TUSC3: variants seen among roughly 807,000 people sequenced by gnomAD.
TUSC3 encodes dolichyl-diphosphooligosaccharide--protein glycosyltransferase subunit TUSC3.
In TUSC3, 45 loss-of-function variants were observed where a neutral mutation model predicts 44.8. That is an observed-to-expected ratio of 1.00 (90% CI 0.79 to 1.29). TUSC3 has a LOEUF of 1.29. Among genes scored for constraint, TUSC3 ranks in the 50% most tolerant of loss-of-function variants. The pLI is 0.00. For synonymous variants in TUSC3, 212 were observed against 152.9 expected, an observed-to-expected ratio of 1.39 and a Z score of -2.85; for missense variants, 519 against 437.9, an observed-to-expected ratio of 1.19 and a Z score of -1.65.
chr8:15,846,784 G>T, the TUSC3 span, among the ~76,000 whole-genome samples: 1 of 151,592 alleles, frequency 6.6e-6, no homozygotes, highest in African/African-American at 2.4e-5. Flanking sequence ...CGGGTTGATG[G>T]GTGCAGCAAA....
intron 9 of TUSC3, among the ~76,000 whole-genome samples, chr8:15,753,776 T>A (rs796847075): frequency 3.9e-4 from 60 of 152,064 alleles, no homozygotes; most frequent in African/African-American, 1.4e-3. Flanking sequence ...ATAGCAGAGA[T>A]TTGGACACAC....
chr8:15,649,409 C>G (rs963492182), intron 2 of TUSC3, among the ~76,000 whole-genome samples: 9 of 151,716 alleles, frequency 5.9e-5, no homozygotes, highest in Admixed American at 3.3e-4. Context: ...ACGGTGAAAC[C>G]CCGTCTCTAC....
chr8:15,643,412 T>TTG (rs1554466745), intron 2 of TUSC3, among the ~76,000 whole-genome samples: 1 of 147,342 alleles, frequency 6.8e-6, no homozygotes, highest in East Asian at 1.9e-4. Flanking sequence ...TGTTAGTTGT[T>TTG]TTTTTTTTTT....
intron 7 of TUSC3, among the ~76,000 whole-genome samples, chr8:15,736,519 C>T (rs987770683): frequency 3.3e-5 from 5 of 152,014 alleles, no homozygotes; most frequent in African/African-American, 1.2e-4. Context: ...ATAGAATGTT[C>T]TTAAAATTCA....
intron 9 of TUSC3, among the ~76,000 whole-genome samples, chr8:15,755,946 C>A (rs79798772): frequency 0.019 from 2,909 of 152,164 alleles, 97 homozygotes; most frequent in African/African-American, 0.065. Context: ...CAAAAGTTTC[C>A]TTTAGAAGAT....
At chr8:15,587,453 C>T (rs145039681) in intron 1 of TUSC3, among the ~76,000 whole-genome samples, 3 of 152,182 alleles carry the variant, frequency 2.0e-5, no homozygotes, top group East Asian at 1.9e-4. Context: ...CATGTAATAA[C>T]TGTATATATT....
intron 3 of TUSC3, chr8:15,651,018 C>T (rs28758439): frequency 1.8e-4 from 64 of 354,502 alleles, no homozygotes; most frequent in South Asian, 4.0e-4. Context: ...CACACACACA[C>T]ACACAAATAC....
At chr8:15,536,681 C>CAAAAAAAAAAAAAAAAAAAAAAAAAAAAA (rs570573410), upstream of TUSC3, among the ~76,000 whole-genome samples, 2 of 45,572 alleles carry the variant, frequency 4.4e-5, no homozygotes, top group Non-Finnish European at 4.3e-5. Context: ...GATTCCGTCT[C>CAAAAAAAAAAAAAAAAAAAAAAAAAAAAA]AAAAAAAAAA....
chr8:15,540,512 C>T lies in TUSC3; in HGVS notation c.82C>T (p.Leu28Phe). Residue 28 changes from leucine (L) to phenylalanine (F), a missense_variant, in exon 1 of 11, where the codon CTT becomes TTT. Transcript: ENST00000503731. ...CCTGCCCACCGGGAGCTTTCCCTTC[C>T]TTCTCCTGCTGCTGCTGCTCTGCAT... Reference protein sequence around the residue: ...RYLPTGSFPFLLLLLLLCIQL... With the variant: ...RYLPTGSFPFFLLLLLLCIQL... 7 of 1,608,354 alleles carry T rather than the reference C, an allele frequency of 4.4e-6. No individual in the cohort carries two copies. Among genetic ancestry groups the T allele is most frequent in the East Asian group, 2.2e-5 (1 of 44,452 alleles).
At chr8:15,717,846 C>G (rs1445288761) in intron 6 of TUSC3, among the ~76,000 whole-genome samples, 1 of 152,022 alleles carries the variant, frequency 6.6e-6, no homozygotes, top group Non-Finnish European at 1.5e-5. Flanking sequence ...GAGGTTAACT[C>G]AAGCGCAGAT....
chr8:15,627,488 A>G (rs1168037823), intron 2 of TUSC3, among the ~76,000 whole-genome samples: 1 of 152,238 alleles, frequency 6.6e-6, no homozygotes, highest in East Asian at 1.9e-4. Flanking sequence ...CAAGGCTAAA[A>G]GAGCTGTAAT....
At chr8:15,507,834 C>G (rs559801471) in intron 2 of TUSC3, among the ~76,000 whole-genome samples, 1 of 151,860 alleles carries the variant, frequency 6.6e-6, no homozygotes. Context: ...GCAAAGTGAA[C>G]AAAAAAAGAT....
intron 2 of TUSC3, among the ~76,000 whole-genome samples, chr8:15,627,676 C>T (rs1805577311): frequency 6.6e-6 from 1 of 152,218 alleles, no homozygotes; most frequent in Admixed American, 6.5e-5. Flanking sequence ...CTGCATTCCC[C>T]AGTGCTGGCC....
rs1442846722 is a variant in TUSC3, at chr8:15,659,500, T to G, written c.427-7T>G. The G allele has an allele frequency of 6.2e-7, 1 of 1,611,422 alleles. No homozygotes were observed. The highest frequency in any genetic ancestry group is 8.5e-7 in the Non-Finnish European group (1 of 1,179,396). On this transcript the variant is annotated splice_polypyrimidine_tract_variant and splice_region_variant and intron_variant, in intron 3 of 10. Transcript: ENST00000503731. The stretch of plus-strand genomic sequence containing the variant: ...TATATTTAGTATTTTTTTCTCATGT[T>G]TTACAGCTCAACATGAACTCTGCTC...
intron 6 of TUSC3, among the ~76,000 whole-genome samples, chr8:15,707,020 G>A (rs1426141330): frequency 2.0e-5 from 3 of 151,732 alleles, no homozygotes; most frequent in African/African-American, 7.3e-5. Flanking sequence ...ATACTTTATG[G>A]GTTTTGGACT....
Position 15,603,418 on chromosome 8 carries a change from T to C in TUSC3, c.139-19662T>C, listed in dbSNP as rs547169905. On this transcript the variant is annotated intron_variant, in intron 1 of 10. Transcript: ENST00000503731. ...GAACCCACATGTTGCTGGTAGGAGT[T>C]AGTTTGGAAAAACAGTTTGGCAATA... 8.6e-5 allele frequency among the ~76,000 whole-genome samples: 13 copies of C among 151,736 alleles called. No homozygotes were observed. The Middle Eastern group carries it at 0.01, about 119-fold the overall frequency.
intron 2 of TUSC3, among the ~76,000 whole-genome samples, chr8:15,639,995 G>T (rs761954729): frequency 1.3e-5 from 2 of 152,154 alleles, no homozygotes; most frequent in Admixed American, 6.5e-5. Flanking sequence ...GATTGTTATC[G>T]TTAGAAAGGG....
chr8:15,553,519 A>G (rs1180854300), intron 1 of TUSC3, among the ~76,000 whole-genome samples: 3 of 101,342 alleles, frequency 3.0e-5, no homozygotes. Flanking sequence ...GAAACACAGC[A>G]GAATTTTGGA....
chr8:15,710,146 C>T (rs905899108), intron 6 of TUSC3, among the ~76,000 whole-genome samples: 1 of 151,636 alleles, frequency 6.6e-6, no homozygotes, highest in Non-Finnish European at 1.5e-5. Flanking sequence ...TGAAATGTTA[C>T]TTTAGGTTTT....
Sources: allele counts gnomAD v4.1 joint callset (sites outside exome capture counted in the v4.1 genomes callset), GRCh38; gene constraint gnomAD v4.1.1; transcripts MANE v1.5; gene names NCBI Gene and HGNC (gene_info 2026-07-23, HGNC 2026-07-21).